Variants in RBFOX1 observed in about 807,000 individuals in gnomAD.
RBFOX1 encodes the protein RNA binding protein fox-1 homolog 1.
RBFOX1 carries 8 observed loss-of-function variants against 57.7 expected under a neutral mutation model. The ratio of observed to expected loss-of-function variants is 0.14; its 90% confidence interval spans 0.08 to 0.25. RBFOX1 has a LOEUF of 0.25. Among genes scored for constraint, RBFOX1 ranks in the 10% least tolerant of loss-of-function variants. RBFOX1 has a pLI of 1.00. For missense variants in RBFOX1, 611 were observed against 548.5 expected, an observed-to-expected ratio of 1.11 and a Z score of -1.14; for synonymous variants, 326 against 222.4, an observed-to-expected ratio of 1.47 and a Z score of -4.15.
intron 1 of RBFOX1, among the ~76,000 whole-genome samples, chr16:5,282,190 C>T (rs1488169299): frequency 6.6e-6 from 1 of 152,172 alleles, no homozygotes; most frequent in Admixed American, 6.5e-5. Flanking sequence ...GCTGCCATCC[C>T]TGTAAGATGT....
At chr16:7,254,513 T>C (rs1406042795) in intron 4 of RBFOX1, among the ~76,000 whole-genome samples, 2 of 151,610 alleles carry the variant, frequency 1.3e-5, no homozygotes, top group Non-Finnish European at 2.9e-5. Context: ...TTTTTATCAA[T>C]ATATGCCCAT....
Position 6,971,359 on chromosome 16 carries a change from G to A in RBFOX1, c.-15-80698G>A, listed in dbSNP as rs149092230. On this transcript the variant is annotated intron_variant, in intron 3 of 15. Transcript: ENST00000550418. ...AAGAGCAATCCAGGCAGCAGGAACA[G>A]ATGACTCAGCCTAAAGTGGGGAGTG... 3.3e-3 allele frequency among the ~76,000 whole-genome samples: 506 copies of A among 152,200 alleles called. 3 individuals are homozygous for A. Among genetic ancestry groups the A allele is most frequent in the African/African-American group, 0.012 (482 of 41,530 alleles).
chr16:5,722,834 C>T (rs1443498607), intron 3 of RBFOX1, among the ~76,000 whole-genome samples: 2 of 152,182 alleles, frequency 1.3e-5, no homozygotes, highest in Non-Finnish European at 2.9e-5. Flanking sequence ...CTCCCAAGAC[C>T]AAGTATCCCC....
chr16:6,813,388 A>G (rs1016390726), intron 3 of RBFOX1, among the ~76,000 whole-genome samples: 1 of 152,072 alleles, frequency 6.6e-6, no homozygotes, highest in African/African-American at 2.4e-5. Flanking sequence ...CATCTTGAGA[A>G]TGCTCGTATG....
chr16:6,853,350 A>G (rs2094170034), intron 3 of RBFOX1, among the ~76,000 whole-genome samples: 1 of 152,118 alleles, frequency 6.6e-6, no homozygotes, highest in Admixed American at 6.6e-5. Context: ...ACCTCTGTGC[A>G]TTGTAGCATA....
chr16:5,458,543 A>G (rs2068697894), intron 1 of RBFOX1, among the ~76,000 whole-genome samples: 2 of 152,242 alleles, frequency 1.3e-5, no homozygotes, highest in South Asian at 4.1e-4. Flanking sequence ...ATTTTGCCTT[A>G]CATAGGTGAA....
At chr16:5,475,434 T>C (rs2069287574) in intron 2 of RBFOX1, among the ~76,000 whole-genome samples, 2 of 152,250 alleles carry the variant, frequency 1.3e-5, no homozygotes. Flanking sequence ...TGTGTCCAGA[T>C]AGGATGAGGA....
chr16:7,077,566 G>T (rs774319766), intron 4 of RBFOX1, among the ~76,000 whole-genome samples: 28 of 152,170 alleles, frequency 1.8e-4, no homozygotes, highest in Non-Finnish European at 1.2e-4. Context: ...TTAGTACAAT[G>T]ATGAAATTTG....
chr16:5,569,129 C>T (rs939441920), intron 2 of RBFOX1, among the ~76,000 whole-genome samples: 1 of 151,870 alleles, frequency 6.6e-6, no homozygotes, highest in South Asian at 2.1e-4. Context: ...GGATTACAGG[C>T]GTGAGCCACC....
At chr16:5,907,383 A>G (rs555687815) in intron 4 of RBFOX1, among the ~76,000 whole-genome samples, 13 of 152,250 alleles carry the variant, frequency 8.5e-5, no homozygotes, top group African/African-American at 2.9e-4. Context: ...TTCTCCATCC[A>G]AAACCATTCT....
intron 1 of RBFOX1, among the ~76,000 whole-genome samples, chr16:5,464,926 C>T (rs1197345175): frequency 6.6e-6 from 1 of 152,114 alleles, no homozygotes; most frequent in Non-Finnish European, 1.5e-5. Context: ...CCCTGGTCTG[C>T]AGGCACCTCC....
At chr16:6,666,085 T>C (rs1041170335) in intron 3 of RBFOX1, among the ~76,000 whole-genome samples, 4 of 152,172 alleles carry the variant, frequency 2.6e-5, no homozygotes, top group Non-Finnish European at 5.9e-5. Flanking sequence ...TCTGCCACCA[T>C]ATAAAACGTG....
At chr16:6,782,150 G>A (rs1252191231) in intron 3 of RBFOX1, among the ~76,000 whole-genome samples, 4 of 152,136 alleles carry the variant, frequency 2.6e-5, no homozygotes, top group Admixed American at 2.0e-4. Context: ...GGGACTACGG[G>A]CATGCACCAC....
chr16:6,550,670 C>T (rs1472319709), intron 2 of RBFOX1, among the ~76,000 whole-genome samples: 2 of 152,166 alleles, frequency 1.3e-5, no homozygotes, highest in African/African-American at 4.8e-5. Flanking sequence ...GAGCTTTTTC[C>T]AGCATGAGCC....
intron 2 of RBFOX1, among the ~76,000 whole-genome samples, chr16:6,538,773 G>T (rs2096770358): frequency 6.6e-6 from 1 of 152,108 alleles, no homozygotes; most frequent in Non-Finnish European, 1.5e-5. Context: ...TTTTTTCATG[G>T]CTTCTTCCAG....
intron 2 of RBFOX1, among the ~76,000 whole-genome samples, chr16:6,334,092 A>G (rs1238956392): frequency 1.3e-5 from 2 of 152,218 alleles, no homozygotes; most frequent in Middle Eastern, 3.2e-3. Flanking sequence ...AAAGAAGGAA[A>G]TAACAACTTG....
At chr16:7,209,956 T>C (rs113834365) in intron 4 of RBFOX1, among the ~76,000 whole-genome samples, 2,239 of 152,272 alleles carry the variant, frequency 0.015, 62 homozygotes, top group African/African-American at 0.051. Flanking sequence ...ATGAAAGCTT[T>C]TAAGCCCCAT....
At chr16:5,266,156 A>T (rs2062852156) in intron 1 of RBFOX1, among the ~76,000 whole-genome samples, 1 of 152,116 alleles carries the variant, frequency 6.6e-6, no homozygotes, top group Non-Finnish European at 1.5e-5. Flanking sequence ...GAAAGAGCAG[A>T]TACTGTGTGA....
intron 4 of RBFOX1, among the ~76,000 whole-genome samples, chr16:7,080,895 T>A (rs1210770883): frequency 6.6e-6 from 1 of 152,202 alleles, no homozygotes; most frequent in South Asian, 2.1e-4. Context: ...CATTCCCTCC[T>A]TGACGTTCGT....
Sources: allele counts gnomAD v4.1 joint callset (sites outside exome capture counted in the v4.1 genomes callset), GRCh38; gene constraint gnomAD v4.1.1; transcripts MANE v1.5; gene names NCBI Gene and HGNC (gene_info 2026-07-23, HGNC 2026-07-21).